The following SLC16A12 variants were observed in gnomAD, a reference collection of about 807,000 sequenced individuals.
The protein encoded by SLC16A12 is monocarboxylate transporter 12.
Under a neutral mutation model 42.4 loss-of-function variants are expected in SLC16A12, and 17 were observed. The ratio of observed to expected loss-of-function variants is 0.40; its 90% CI spans 0.27 to 0.60. The LOEUF is 0.60. Ranked by LOEUF, SLC16A12 falls within the 20% of genes least tolerant of loss-of-function variation. The probability of loss-of-function intolerance (pLI) is 0.42; values close to 1 mark genes in which losing one functional copy is unlikely to be tolerated. For synonymous variants in SLC16A12, 224 were observed against 229.4 expected, an observed-to-expected ratio of 0.98 and a Z score of 0.21; for missense variants, 544 against 623.0, an observed-to-expected ratio of 0.87 and a Z score of 1.35.
At chr10:89,515,442 G>A (rs548704358) in intron 2 of SLC16A12, among the ~76,000 whole-genome samples, 44 of 152,236 alleles carry the variant, frequency 2.9e-4, no homozygotes, top group Admixed American at 1.6e-3. Context: ...AGTCAGTGTC[G>A]GAGGGCTCTA....
intron 2 of SLC16A12, among the ~76,000 whole-genome samples, chr10:89,480,310 T>G (rs186861765): frequency 6.6e-6 from 1 of 152,348 alleles, no homozygotes; most frequent in Admixed American, 6.5e-5. Context: ...AGCTCTGTGA[T>G]TTTGACATGC....
chr10:89,555,257 T>G lies in SLC16A12; in HGVS notation c.-47+625A>C, dbSNP rs570854461. On this transcript the variant is annotated intron_variant, in intron 2 of 2. Transcript: ENST00000475682. ...TCTTGGGCTCAAGCAATCCTCCTGC[T>G]ACTCAACCTGTTGAGTAGCAGGCAC... Among the ~76,000 whole-genome samples, 108 of 151,960 alleles carry G rather than the reference T, an allele frequency of 7.1e-4. 1 individual carries two copies. The highest frequency in any genetic ancestry group is 6.2e-4 in the Non-Finnish European group (42 of 67,962).
chr10:89,538,033 T>C (rs561032222), upstream of SLC16A12, among the ~76,000 whole-genome samples: 1 of 152,384 alleles, frequency 6.6e-6, no homozygotes, highest in East Asian at 1.9e-4. Flanking sequence ...CACTTCTGTG[T>C]GCCTACCCCT....
chr10:89,518,578 G>A (rs1026152108), intron 2 of SLC16A12, among the ~76,000 whole-genome samples: 1 of 152,176 alleles, frequency 6.6e-6, no homozygotes, highest in Non-Finnish European at 1.5e-5. Context: ...TTTTCGAGGT[G>A]ATTTAAAAAA....
At chr10:89,486,609 AAG>A (rs1564585805) in intron 2 of SLC16A12, among the ~76,000 whole-genome samples, 77 of 70,014 alleles carry the variant, frequency 1.1e-3, no homozygotes, top group African/African-American at 3.3e-3. Context: ...AAAAAAAAGA[AAG>A]AAAGAAAGAA....
At chr10:89,460,288 A>G (rs1842275886) in intron 3 of SLC16A12, among the ~76,000 whole-genome samples, 2 of 152,132 alleles carry the variant, frequency 1.3e-5, no homozygotes, top group Non-Finnish European at 2.9e-5. Context: ...CAAGACTCAT[A>G]ATATAGATGA....
intron 3 of SLC16A12, among the ~76,000 whole-genome samples, chr10:89,459,397 G>A (rs1475394070): frequency 1.3e-5 from 2 of 152,022 alleles, no homozygotes; most frequent in Non-Finnish European, 1.5e-5. Flanking sequence ...GTGTGTATGT[G>A]TATGTTTGTG....
At chr10:89,514,628 T>C (rs1380478037) in intron 2 of SLC16A12, among the ~76,000 whole-genome samples, 1 of 152,238 alleles carries the variant, frequency 6.6e-6, no homozygotes, top group Non-Finnish European at 1.5e-5. Context: ...GACTCCATCC[T>C]TGTGACTTCA....
At chr10:89,507,144 A>T (rs1843076895) in intron 2 of SLC16A12, among the ~76,000 whole-genome samples, 1 of 152,200 alleles carries the variant, frequency 6.6e-6, no homozygotes, top group African/African-American at 2.4e-5. Context: ...CCAAGTTGGA[A>T]ATCACTCTTC....
intron 2 of SLC16A12, among the ~76,000 whole-genome samples, chr10:89,530,578 C>T (rs548067872): frequency 1.4e-4 from 21 of 152,150 alleles, no homozygotes; most frequent in Non-Finnish European, 2.9e-4. Context: ...CCACCACGCC[C>T]GGCTAATTTT....
upstream of SLC16A12, among the ~76,000 whole-genome samples, chr10:89,539,626 G>A (rs1050364870): frequency 5.3e-5 from 8 of 152,190 alleles, no homozygotes; most frequent in Non-Finnish European, 1.0e-4. Context: ...AATATTTGGG[G>A]TGTCCAGGTC....
chr10:89,537,998 T>C (rs1423643835), upstream of SLC16A12, among the ~76,000 whole-genome samples: 1 of 152,264 alleles, frequency 6.6e-6, no homozygotes, highest in African/African-American at 2.4e-5. Context: ...GCAATGCGTA[T>C]AGGCAGTGCC....
chr10:89,497,260 T>C, intron 2 of SLC16A12, among the ~76,000 whole-genome samples: 1 of 152,174 alleles, frequency 6.6e-6, no homozygotes, highest in East Asian at 1.9e-4. Flanking sequence ...TAAACACATA[T>C]ACACACATGA....
chr10:89,538,915 G>T (rs568665978), upstream of SLC16A12, among the ~76,000 whole-genome samples: 3 of 151,998 alleles, frequency 2.0e-5, no homozygotes, highest in Non-Finnish European at 4.4e-5. Flanking sequence ...TGGCAATAAC[G>T]TCCCTTCCCA....
chr10:89,539,290 C>T (rs1300212358), upstream of SLC16A12, among the ~76,000 whole-genome samples: 5 of 152,154 alleles, frequency 3.3e-5, no homozygotes, highest in Admixed American at 3.3e-4. Flanking sequence ...GATCTGGTAC[C>T]TCCACATGCA....
chr10:89,547,409 C>G (rs1249109071), intron 2 of SLC16A12, among the ~76,000 whole-genome samples: 1 of 152,188 alleles, frequency 6.6e-6, no homozygotes, highest in Non-Finnish European at 1.5e-5. Flanking sequence ...GTGCATGGCT[C>G]TCTATCATCT....
chr10:89,464,997 A>T (rs1260840435), intron 2 of SLC16A12, among the ~76,000 whole-genome samples: 1 of 152,232 alleles, frequency 6.6e-6, no homozygotes, highest in East Asian at 1.9e-4. Flanking sequence ...AATAAAAGTT[A>T]TTACTGGAAA....
intron 2 of SLC16A12, among the ~76,000 whole-genome samples, chr10:89,486,737 A>C (rs112112290): frequency 0.013 from 1,994 of 151,710 alleles, 63 homozygotes; most frequent in Middle Eastern, 0.017. Flanking sequence ...AAACGAAATA[A>C]GTAGAAATAA....
At chr10:89,443,199 C>A (rs957606302) in intron 4 of SLC16A12, among the ~76,000 whole-genome samples, 1 of 152,152 alleles carries the variant, frequency 6.6e-6, no homozygotes, top group Non-Finnish European at 1.5e-5. Context: ...TAATCCTATC[C>A]TTCCCCAATA....
Sources: allele counts gnomAD v4.1 joint callset (sites outside exome capture counted in the v4.1 genomes callset), GRCh38; gene constraint gnomAD v4.1.1; transcripts MANE v1.5; gene names NCBI Gene and HGNC (gene_info 2026-07-23, HGNC 2026-07-21).